RUFY1: variants seen among roughly 807,000 people sequenced by gnomAD.
RUFY1 encodes the protein RUN and FYVE domain-containing protein 1.
In RUFY1, 54 loss-of-function variants were observed where a neutral mutation model predicts 94.6. That is an observed-to-expected ratio of 0.57 (90% CI 0.46 to 0.72). The LOEUF is 0.72. RUFY1 is among the 30% of genes least tolerant of loss of function. The probability of loss-of-function intolerance (pLI) is 0.00; values close to 1 mark genes in which losing one functional copy is unlikely to be tolerated. For missense variants in RUFY1, 883 were observed against 883.9 expected (o/e 1.00, Z 0.01); for synonymous variants, 396 against 347.3 (o/e 1.14, Z -1.56).
intron 9 of RUFY1, 40 bp from the exon 10 acceptor site, chr5:179,591,585 A>T (rs958890889): frequency 8.0e-7 from 1 of 1,244,210 alleles, no homozygotes; most frequent in African/African-American, 1.5e-5. Context: ...CTTGCTTTCC[A>T]TAAGCAAACA....
intron 8 of RUFY1, 112 bp downstream of exon 8, chr5:179,585,977 C>T (rs1764577946): frequency 1.2e-6 from 1 of 819,116 alleles, no homozygotes. Context: ...AGGGGACTTG[C>T]TAGCCTCCAG....
At chr5:179,551,000 T>TGGCG (rs1761809834) in intron 1 of RUFY1, 121 bp downstream of exon 1, 2 of 872,046 alleles carry the variant, frequency 2.3e-6, no homozygotes, top group South Asian at 1.1e-4. Context: ...CGCGAGCTGT[T>TGGCG]GGCGGGCGGG....
At chr5:179,601,542 C>A (rs1357137947) in intron 14 of RUFY1, among the ~76,000 whole-genome samples, 6 of 149,248 alleles carry the variant, frequency 4.0e-5, no homozygotes, top group Admixed American at 4.0e-4. Context: ...TTTTTAAAGG[C>A]CAGTGCAGTG....
chr5:179,585,410 C>G (rs1291129654), intron 7 of RUFY1, among the ~76,000 whole-genome samples: 1 of 152,096 alleles, frequency 6.6e-6, no homozygotes, highest in East Asian at 1.9e-4. Context: ...AACCCTGTCT[C>G]TACTAAAAAT....
intron 3 of RUFY1, among the ~76,000 whole-genome samples, chr5:179,566,116 C>T (rs919181389): frequency 6.6e-6 from 1 of 151,546 alleles, no homozygotes; most frequent in Non-Finnish European, 1.5e-5. Context: ...ACAGCATGGG[C>T]GACTGAGCAA....
intron 13 of RUFY1, among the ~76,000 whole-genome samples, 166 bp from the exon 14 acceptor site, chr5:179,598,526 T>G (rs1765927185): frequency 6.6e-6 from 1 of 152,110 alleles, no homozygotes; most frequent in African/African-American, 2.4e-5. Context: ...TGCTCTTTCT[T>G]GTGGAAGGGC....
intron 14 of RUFY1, among the ~76,000 whole-genome samples, chr5:179,599,847 A>G (rs934251290): frequency 2.0e-5 from 3 of 152,272 alleles, no homozygotes. Flanking sequence ...CTTCAGGGCC[A>G]GGGTGGCTTC....
intron 8 of RUFY1, 48 bp downstream of exon 8, chr5:179,585,913 G>A (rs748326497): frequency 6.9e-7 from 1 of 1,441,892 alleles, no homozygotes; most frequent in East Asian, 2.3e-5. Context: ...ATGACCCAAG[G>A]TTAAGAGAAT....
At chr5:179,585,528 A>G (rs946093166) in intron 7 of RUFY1, among the ~76,000 whole-genome samples, 11 of 152,306 alleles carry the variant, frequency 7.2e-5, no homozygotes, top group Non-Finnish European at 5.9e-5. Flanking sequence ...GCAGTGAGCC[A>G]AGATCACTCC....
At chr5:179,604,983 CAAAAAAAAAAAAGA>C (rs1307603306) in intron 15 of RUFY1, among the ~76,000 whole-genome samples, 1 of 123,356 alleles carries the variant, frequency 8.1e-6, no homozygotes, top group Admixed American at 9.0e-5. Context: ...GACTCCATCT[CAAAAAAAAAAAAGA>C]AAAAAAGAAA....
At chr5:179,577,319 GC>G (rs1305973201) in intron 6 of RUFY1, among the ~76,000 whole-genome samples, 183 bp downstream of exon 6, 1 of 150,850 alleles carries the variant, frequency 6.6e-6, no homozygotes, top group African/African-American at 2.4e-5. Flanking sequence ...CTACAGGTGC[GC>G]CCCACCATGC....
In RUFY1 at chr5:179,596,593, G is replaced by T. The variant is rs199831256; in HGVS notation, c.1543G>T (p.Ala515Ser). 3.1e-5 allele frequency: 50 copies of T among 1,613,386 alleles called. 1 individual carries two copies. The South Asian group carries it at 4.8e-4, about 16-fold the overall frequency. Reference protein sequence around the residue: ...LQHSERARQGAEERSHKLQQE... With the variant: ...LQHSERARQGSEERSHKLQQE... ...GCACTCGGAGCGGGCGAGGCAGGGG[G>T]CTGAGGAGCGGAGCCACAAGCTGCA... The change falls in exon 13 of 18, where the codon GCT (alanine) becomes TCT (serine). Residue 515 changes from alanine (A) to serine (S), a missense_variant. Coordinates refer to ENST00000319449, the MANE Select transcript of RUFY1 (RefSeq NM_025158.5).
chr5:179,600,163 A>C (rs1279284654), intron 14 of RUFY1: 1 of 152,264 alleles, frequency 6.6e-6, no homozygotes, highest in Non-Finnish European at 1.5e-5. Context: ...ACAATGTCTA[A>C]TAACCCCAGT....
intron 5 of RUFY1, among the ~76,000 whole-genome samples, chr5:179,575,606 C>A (rs191272733): frequency 6.6e-6 from 1 of 152,146 alleles, no homozygotes; most frequent in Admixed American, 6.5e-5. Context: ...GGCACTAAGA[C>A]CCCCCAGAGT....
chr5:179,605,768 T>G, intron 15 of RUFY1, 108 bp from the exon 16 acceptor site: 1 of 790,194 alleles, frequency 1.3e-6, no homozygotes, highest in Admixed American at 1.9e-5. Context: ...CTGGGTCTCC[T>G]CACAAGTCCG....
In RUFY1 at chr5:179,596,477, T is replaced by C. The variant is rs1481108497; in HGVS notation, c.1512-85T>C. ...AGAGTTAATTTTACTGTATGGTAAT[T>C]TTAAAAATGAATTTCAGCCAGCAAA... On this transcript the variant is annotated intron_variant, in intron 12 of 17. Transcript: ENST00000319449. The C allele has an allele frequency of 3.2e-6, 5 of 1,540,462 alleles. No homozygotes were observed. In the African/African-American group the frequency reaches 4.1e-5, roughly 13 times the overall value.
intron 13 of RUFY1, 95 bp downstream of exon 13, chr5:179,596,776 A>C: frequency 1.3e-4 from 6 of 46,370 alleles, no homozygotes; most frequent in African/African-American, 1.8e-4. Context: ...CACGAACGGG[A>C]GGAGGGGGGG....
At position 179,550,606 on chromosome 5, in the gene RUFY1, G is replaced by A. The variant is rs773937834; in HGVS notation, c.37G>A (p.Gly13Arg). The A allele has an allele frequency of 2.4e-5, 31 of 1,305,382 alleles. No homozygotes were observed. In the East Asian group the frequency reaches 8.8e-4, roughly 37 times the overall value. The allele number at this position is 1,305,382 out of a possible 1,614,324, so 80.9% of individuals were successfully genotyped here. The stretch of plus-strand genomic sequence containing the variant: ...GGAAGGCGGCTGCGCTGCTGGGCGG[G>A]GGCGGGAGCTGGAGCCGGAGCTGGA... ...DREGGCAAGR[G>R]RELEPELEPG... is the part of the protein sequence containing the mutation. The change falls in exon 1 of 18, where the codon GGG (glycine) becomes AGG (arginine). Residue 13 changes from glycine (G) to arginine (R), a missense_variant. Coordinates refer to ENST00000319449, the MANE Select transcript of RUFY1 (RefSeq NM_025158.5).
At chr5:179,594,621 T>TTGGGG (rs1765421948) in intron 11 of RUFY1, among the ~76,000 whole-genome samples, 1 of 126,016 alleles carries the variant, frequency 7.9e-6, no homozygotes, top group Admixed American at 8.7e-5. Context: ...ATTAGCCAGA[T>TTGGGG]GTGGTGGCGG....
Sources: allele counts gnomAD v4.1 joint callset (sites outside exome capture counted in the v4.1 genomes callset), GRCh38; gene constraint gnomAD v4.1.1; transcripts MANE v1.5; gene names NCBI Gene and HGNC (gene_info 2026-07-23, HGNC 2026-07-21).